FREM1: variants seen among roughly 807,000 people sequenced by gnomAD.
FREM1 encodes the protein FRAS1 related extracellular matrix 1.
FREM1 carries 220 observed loss-of-function variants against 210.1 expected under a neutral mutation model. The observed-to-expected ratio is 1.05, with a 90% CI of 0.94 to 1.17. The LOEUF is 1.17. FREM1 is among the 50% of genes most tolerant of loss of function. The pLI, the probability that FREM1 is intolerant of heterozygous loss-of-function variation, is 0.00. For synonymous variants in FREM1, 1,189 were observed against 980.2 expected, an observed-to-expected ratio of 1.21 and a Z score of -3.98; for missense variants, 3,454 against 2,675.5, an observed-to-expected ratio of 1.29 and a Z score of -6.42.
At chr9:14,880,470 G>A (rs1834585922) in intron 1 of FREM1, among the ~76,000 whole-genome samples, 1 of 152,048 alleles carries the variant, frequency 6.6e-6, no homozygotes, top group African/African-American at 2.4e-5. Flanking sequence ...AGGGCCTGGT[G>A]GCATGCATCT....
At chr9:14,801,573 T>A (rs1241529851) in intron 20 of FREM1, 79 bp downstream of exon 20, 1 of 995,712 alleles carries the variant, frequency 1.0e-6, no homozygotes, top group Non-Finnish European at 1.5e-6. Context: ...TAGTTTGACC[T>A]TTTTAGATTT....
At chr9:14,812,331 G>A (rs1819548377) in intron 16 of FREM1, among the ~76,000 whole-genome samples, 1 of 152,190 alleles carries the variant, frequency 6.6e-6, no homozygotes, top group Non-Finnish European at 1.5e-5. Flanking sequence ...GTCATTTGCT[G>A]TGGGCAAGTC....
chr9:14,749,411 C>A (rs1447614376), intron 30 of FREM1, among the ~76,000 whole-genome samples: 3 of 151,680 alleles, frequency 2.0e-5, no homozygotes, highest in Non-Finnish European at 4.4e-5. Context: ...GGAATAGATT[C>A]CAGGCAAGAA....
At chr9:14,805,861 C>A (rs1818251742) in intron 18 of FREM1, among the ~76,000 whole-genome samples, 1 of 152,184 alleles carries the variant, frequency 6.6e-6, no homozygotes, top group Non-Finnish European at 1.5e-5. Context: ...AAATACAAGA[C>A]CTATTTAAGT....
At chr9:14,876,391 C>A (rs902399769) in intron 1 of FREM1, among the ~76,000 whole-genome samples, 2 of 152,086 alleles carry the variant, frequency 1.3e-5, no homozygotes, top group Non-Finnish European at 2.9e-5. Flanking sequence ...GGCGGGCGCC[C>A]CTCCCCCAGC....
intron 20 of FREM1, among the ~76,000 whole-genome samples, chr9:14,798,678 T>C (rs1852906693): frequency 6.6e-6 from 1 of 151,832 alleles, no homozygotes; most frequent in South Asian, 2.1e-4. Context: ...TTTTTAATAA[T>C]AACAATTTTT....
intron 1 of FREM1, among the ~76,000 whole-genome samples, chr9:14,905,687 A>G (rs1817564736): frequency 6.6e-6 from 1 of 152,166 alleles, no homozygotes; most frequent in Admixed American, 6.5e-5. Context: ...TCAGGAGTTC[A>G]AGAGCAGCCT....
intron 23 of FREM1, among the ~76,000 whole-genome samples, chr9:14,788,408 A>T (rs979940624): frequency 3.3e-5 from 5 of 152,222 alleles, no homozygotes; most frequent in Non-Finnish European, 5.9e-5. Context: ...CCTAAAGAGT[A>T]TATGTTAGCA....
intron 19 of FREM1, among the ~76,000 whole-genome samples, chr9:14,804,286 T>TA (rs1817928326): frequency 6.6e-6 from 1 of 152,106 alleles, no homozygotes; most frequent in African/African-American, 2.4e-5. Context: ...GGAATGCAGG[T>TA]AAAACCATGA....
At chr9:14,769,577 T>G in intron 27 of FREM1, 147 bp downstream of exon 27, 4 of 843,516 alleles carry the variant, frequency 4.7e-6, no homozygotes, top group Non-Finnish European at 7.1e-6. Flanking sequence ...GAAAATTCAT[T>G]CTCCAAAATA....
At chr9:14,745,963 T>A (rs2131976589) in intron 35 of FREM1, among the ~76,000 whole-genome samples, 1 of 152,062 alleles carries the variant, frequency 6.6e-6, no homozygotes, top group East Asian at 1.9e-4. Context: ...TGGGCAGGAA[T>A]TCTTATCACA....
intron 26 of FREM1, 75 bp downstream of exon 26, chr9:14,770,526 CTTAA>C: frequency 9.2e-7 from 1 of 1,086,646 alleles, no homozygotes; most frequent in Non-Finnish European, 1.4e-6. Flanking sequence ...TGGGCCTGCA[CTTAA>C]TTAAATTACT....
At chr9:14,881,503 G>A (rs999319591) in intron 1 of FREM1, among the ~76,000 whole-genome samples, 18 of 152,170 alleles carry the variant, frequency 1.2e-4, no homozygotes, top group African/African-American at 3.9e-4. Flanking sequence ...AGGCAATGTG[G>A]ACCAAAATGG....
rs1256956553 is a variant in FREM1 at position 14,789,103 on chromosome 9, G to T, written c.3993C>A (p.Asp1331Glu). 1 of 1,588,192 alleles carries T rather than the reference G, an allele frequency of 6.3e-7. No homozygotes were observed. The highest frequency in any genetic ancestry group is 8.6e-7 in the Non-Finnish European group (1 of 1,166,220). Residue 1331 changes from aspartate (D) to glutamate (E), a missense_variant, in exon 23 of 37, where the codon GAC (aspartate) becomes GAA (glutamate). Transcript: ENST00000380880. ...TCATGCCAGGGGAGAGAGGAACCCAGTCCCTCCCTATCTGGAAGGAGCCAG... is the reference window on the plus strand; with the variant it reads ...TCATGCCAGGGGAGAGAGGAACCCATTCCCTCCCTATCTGGAAGGAGCCAG... ...NGQLQLKIGR[D>E]WVPLSPGMKC...
At chr9:14,765,302 A>C (rs187384001) in intron 27 of FREM1, among the ~76,000 whole-genome samples, 4 of 152,294 alleles carry the variant, frequency 2.6e-5, no homozygotes, top group Admixed American at 1.3e-4. Context: ...AAGAGGCAGC[A>C]TAGTGTGCAC....
At chr9:14,811,357 T>A (rs7862741) in intron 16 of FREM1, among the ~76,000 whole-genome samples, 2,405 of 152,290 alleles carry the variant, frequency 0.016, 56 homozygotes, top group African/African-American at 0.055. Flanking sequence ...AGAAGACAGA[T>A]TCTTCTCACC....
At chr9:14,787,841 G>T (rs1487960305) in intron 23 of FREM1, among the ~76,000 whole-genome samples, 1 of 152,084 alleles carries the variant, frequency 6.6e-6, no homozygotes, top group East Asian at 1.9e-4. Flanking sequence ...TGTTTTGCAG[G>T]GAGAGATAAA....
At chr9:14,868,175 G>T (rs1158323901) in intron 2 of FREM1, among the ~76,000 whole-genome samples, 2 of 152,144 alleles carry the variant, frequency 1.3e-5, no homozygotes, top group Non-Finnish European at 2.9e-5. Flanking sequence ...CTATGCTAAG[G>T]TCACAGGTAT....
chr9:14,765,854 T>A (rs966513299), intron 27 of FREM1, among the ~76,000 whole-genome samples: 2 of 152,202 alleles, frequency 1.3e-5, no homozygotes, highest in Non-Finnish European at 2.9e-5. Flanking sequence ...TTCACTTTTC[T>A]CCAGTGGGCA....
Sources: gnomAD v4.1 joint callset for allele counts (sites outside exome capture counted in the v4.1 genomes callset) on GRCh38, gnomAD v4.1.1 for gene constraint, MANE v1.5 for transcripts, NCBI Gene and HGNC (gene_info 2026-07-23, HGNC 2026-07-21) for gene names.